The following SLC8A1 variants were observed in gnomAD, a reference collection of about 807,000 sequenced individuals.
SLC8A1 encodes the protein solute carrier family 8 member A1.
SLC8A1 carries 18 observed loss-of-function variants against 68.3 expected under a neutral mutation model. That is an observed-to-expected ratio of 0.26 (90% CI 0.18 to 0.39). The LOEUF is 0.39. SLC8A1 is among the 10% of genes least tolerant of loss of function. The pLI is 1.00. For missense variants in SLC8A1, 985 were observed against 1,156.7 expected (o/e 0.85, Z 2.15); for synonymous variants, 475 against 415.5 (o/e 1.14, Z -1.74).
chr2:40,259,901 C>G (rs368248), intron 2 of SLC8A1, among the ~76,000 whole-genome samples: 22,035 of 152,008 alleles, frequency 0.14, 1,866 homozygotes, highest in Admixed American at 0.29. Context: ...GTTTACTGCT[C>G]GCTGCACAGG....
intron 2 of SLC8A1, among the ~76,000 whole-genome samples, chr2:40,314,605 C>T (rs553814261): frequency 6.6e-6 from 1 of 151,912 alleles, no homozygotes; most frequent in African/African-American, 2.4e-5. Context: ...GAACGATTAT[C>T]TTAAAAATAT....
intron 2 of SLC8A1, among the ~76,000 whole-genome samples, chr2:40,415,986 C>T (rs1051368070): frequency 2.0e-5 from 3 of 147,400 alleles, no homozygotes; most frequent in Non-Finnish European, 3.0e-5. Context: ...TGCTTGAACC[C>T]GGGAGGCGGA....
chr2:40,398,061 C>G (rs1271063839), intron 2 of SLC8A1, among the ~76,000 whole-genome samples: 2 of 152,214 alleles, frequency 1.3e-5, no homozygotes, highest in Non-Finnish European at 2.9e-5. Context: ...GGAGAAACAG[C>G]ATTTCTTCTG....
chr2:40,135,378 A>G (rs2040301990), intron 7 of SLC8A1, among the ~76,000 whole-genome samples: 1 of 151,790 alleles, frequency 6.6e-6, no homozygotes, highest in African/African-American at 2.4e-5. Flanking sequence ...GTGGTGGTGG[A>G]GAGATAGCTA....
At chr2:40,449,129 T>C (rs1427410806) in intron 1 of SLC8A1, among the ~76,000 whole-genome samples, 1 of 150,126 alleles carries the variant, frequency 6.7e-6, no homozygotes, top group Non-Finnish European at 1.5e-5. Context: ...AAAGAACTTG[T>C]CTCACTGAAT....
intron 2 of SLC8A1, among the ~76,000 whole-genome samples, chr2:40,381,989 C>T (rs538700802): frequency 1.3e-5 from 2 of 152,090 alleles, no homozygotes; most frequent in East Asian, 3.9e-4. Flanking sequence ...CTCCTATCTC[C>T]TCGGCTGCAG....
At chr2:40,416,054 TA>T (rs779668065) in intron 2 of SLC8A1, among the ~76,000 whole-genome samples, 1,592 of 116,242 alleles carry the variant, frequency 0.014, 14 homozygotes, top group African/African-American at 0.032. Context: ...GGCTCTGTTT[TA>T]AAAAAAAAAA....
At chr2:40,307,414 A>G (rs2072861084) in intron 2 of SLC8A1, among the ~76,000 whole-genome samples, 1 of 152,200 alleles carries the variant, frequency 6.6e-6, no homozygotes. Flanking sequence ...TTTAATGGGT[A>G]CAGTGTTTTA....
At chr2:40,385,961 T>C (rs10181006) in intron 2 of SLC8A1, among the ~76,000 whole-genome samples, 110,122 of 150,706 alleles carry the variant, frequency 0.73, 41,714 homozygotes, top group African/African-American at 0.93. Flanking sequence ...ATGTAAACCT[T>C]CTGAATTATA....
chr2:40,380,707 C>A (rs2149548386), intron 2 of SLC8A1, among the ~76,000 whole-genome samples: 2 of 152,118 alleles, frequency 1.3e-5, no homozygotes, highest in Middle Eastern at 6.8e-3. Flanking sequence ...AAAGATTAAA[C>A]TTAATAGAAT....
chr2:40,391,142 A>T (rs1042909703), intron 2 of SLC8A1, among the ~76,000 whole-genome samples: 10 of 148,924 alleles, frequency 6.7e-5, no homozygotes, highest in Non-Finnish European at 1.2e-4. Context: ...TTCTCCTTAA[A>T]ATATATATAT....
At chr2:40,268,804 G>GA (rs1446713263) in intron 2 of SLC8A1, among the ~76,000 whole-genome samples, 1 of 151,902 alleles carries the variant, frequency 6.6e-6, no homozygotes, top group African/African-American at 2.4e-5. Context: ...AACACTTAAG[G>GA]AAAAAAAGTT....
intron 2 of SLC8A1, among the ~76,000 whole-genome samples, chr2:40,419,320 G>C (rs1694810580): frequency 6.6e-6 from 1 of 152,182 alleles, no homozygotes; most frequent in African/African-American, 2.4e-5. Flanking sequence ...GAAGCAGCTT[G>C]AGTGAATCCC....
intron 2 of SLC8A1, among the ~76,000 whole-genome samples, chr2:40,283,807 C>T (rs1234446785): frequency 2.6e-5 from 4 of 152,082 alleles, no homozygotes; most frequent in East Asian, 3.9e-4. Flanking sequence ...AGATAGAACA[C>T]GGTTAGACTT....
rs1344356387 is a variant in SLC8A1 at position 40,132,965 on chromosome 2, T to A, written c.2437+6436A>T. On this transcript the variant is annotated intron_variant, in intron 7 of 7. Transcript: ENST00000406785. ...TTTTCTATTCCTTTTGACATTTTTT[T>A]AGAGTTGATCTCAGTGTAAATAATG... Among the ~76,000 whole-genome samples, 3 of 152,252 alleles carry A rather than the reference T, an allele frequency of 2.0e-5. No individual in the cohort carries two copies. In the East Asian group the frequency reaches 5.8e-4, roughly 29 times the overall value.
chr2:40,203,794 C>T (rs1194708003), intron 2 of SLC8A1, among the ~76,000 whole-genome samples: 1 of 152,054 alleles, frequency 6.6e-6, no homozygotes, highest in Admixed American at 6.6e-5. Flanking sequence ...CAGCCTCAAC[C>T]TTCTGGGCTC....
chr2:40,300,627 C>G (rs759310892), intron 2 of SLC8A1, among the ~76,000 whole-genome samples: 12 of 152,128 alleles, frequency 7.9e-5, no homozygotes, highest in Non-Finnish European at 1.5e-5. Context: ...GACTCATGCT[C>G]TGAGGCTTCA....
intron 3 of SLC8A1, among the ~76,000 whole-genome samples, 158 bp from the exon 5 acceptor site, chr2:40,175,000 G>T (rs944939987): frequency 6.6e-6 from 1 of 151,960 alleles, no homozygotes; most frequent in Non-Finnish European, 1.5e-5. Context: ...ATCACTAATC[G>T]TTCTTTTAAG....
intron 6 of SLC8A1, among the ~76,000 whole-genome samples, chr2:40,149,541 C>T (rs2043046507): frequency 6.6e-6 from 1 of 152,110 alleles, no homozygotes; most frequent in Non-Finnish European, 1.5e-5. Context: ...GAAAATATCT[C>T]ATGCACAACT....
Sources: allele counts gnomAD v4.1 joint callset (sites outside exome capture counted in the v4.1 genomes callset), GRCh38; gene constraint gnomAD v4.1.1; transcripts MANE v1.5; gene names NCBI Gene and HGNC (gene_info 2026-07-23, HGNC 2026-07-21).